The following EFR3A variants were observed in gnomAD, a reference collection of about 807,000 sequenced individuals.
The protein encoded by EFR3A is protein EFR3 homolog A.
A neutral mutation model predicts 104.4 loss-of-function variants in EFR3A; 76 were observed. That is an observed-to-expected ratio of 0.73 (90% CI 0.60 to 0.88). EFR3A has a LOEUF of 0.88. Among genes scored for constraint, EFR3A ranks in the 40% least tolerant of loss-of-function variants. EFR3A has a pLI of 0.00. For missense variants in EFR3A, 985 were observed against 1,012.5 expected, an observed-to-expected ratio of 0.97 and a Z score of 0.37; for synonymous variants, 330 against 330.0, an observed-to-expected ratio of 1.00 and a Z score of 0.00.
intron 18 of EFR3A, among the ~76,000 whole-genome samples, chr8:131,992,825 G>T (rs1386672108): frequency 6.6e-6 from 1 of 152,112 alleles, no homozygotes; most frequent in African/African-American, 2.4e-5. Context: ...CTGTTGGTAA[G>T]ATCTGATGAG....
intron 1 of EFR3A, among the ~76,000 whole-genome samples, chr8:131,910,797 T>G (rs896514129): frequency 1.3e-5 from 2 of 152,320 alleles, no homozygotes; most frequent in Non-Finnish European, 2.9e-5. Flanking sequence ...TATGCAGTGT[T>G]TCTGTTGTGG....
chr8:131,932,590 A>G (rs1817662726), intron 1 of EFR3A, among the ~76,000 whole-genome samples: 3 of 152,104 alleles, frequency 2.0e-5, no homozygotes. Context: ...ACTCCTATAC[A>G]TGTTAGCTAG....
chr8:131,935,490 G>C (rs1174150060), intron 1 of EFR3A: 1 of 447,890 alleles, frequency 2.2e-6, no homozygotes, highest in Non-Finnish European at 4.5e-6. Context: ...GTAATCGTAG[G>C]CACTGTCATT....
At chr8:131,940,007 A>G (rs1818084558) in intron 1 of EFR3A, 5 of 157,488 alleles carry the variant, frequency 3.2e-5, no homozygotes. Context: ...AGAGAGGCGT[A>G]GATGAAGAAT....
Position 131,926,675 on chromosome 8 carries a change from A to G in EFR3A, c.11-13824A>G, listed in dbSNP as rs188521674. Among the ~76,000 whole-genome samples, 68 of 152,138 alleles carry G rather than the reference A, an allele frequency of 4.5e-4. 1 individual carries two copies. The highest frequency in any genetic ancestry group is 3.9e-3 in the Admixed American group (59 of 15,274). On this transcript the variant is annotated intron_variant, in intron 1 of 22. Coordinates refer to ENST00000254624, the MANE Select transcript of EFR3A (RefSeq NM_015137.6). ...TGCTCTGTTGCTCAGGCTGGAGTGC[A>G]GTGGCATGATTGTAGCTCACTGCAA...
chr8:132,013,150 A>G lies in EFR3A; in HGVS notation c.*2255A>G, dbSNP rs1229066617. ...ATTTGGTGAAGTTCACTGTATTGCT[A>G]TATTTTTGTAGATAAATAAAACTCA... On this transcript the variant is annotated 3_prime_UTR_variant, in exon 23 of 23. Coordinates refer to ENST00000254624, the MANE Select transcript of EFR3A (RefSeq NM_015137.6). 1 of 152,168 alleles carries G rather than the reference A, an allele frequency of 6.6e-6. No individual in the cohort carries two copies. The highest frequency in any genetic ancestry group is 2.4e-5 in the African/African-American group (1 of 41,432). The allele number at this position is 152,168 out of a possible 1,614,324, so 9.4% of individuals were successfully genotyped here. A position where few individuals can be genotyped will look rare whatever the true frequency, so the allele number is the denominator to read the frequency against.
At chr8:131,947,851 A>T (rs1479755453) in intron 4 of EFR3A, among the ~76,000 whole-genome samples, 1 of 152,126 alleles carries the variant, frequency 6.6e-6, no homozygotes, top group Admixed American at 6.6e-5. Context: ...TAAATTTACC[A>T]TAAAAGTTAA....
At chr8:131,923,682 A>G (rs1332778206) in intron 1 of EFR3A, among the ~76,000 whole-genome samples, 1 of 152,092 alleles carries the variant, frequency 6.6e-6, no homozygotes, top group African/African-American at 2.4e-5. Flanking sequence ...TGGCAAGTTA[A>G]TTCAGAAGGA....
intron 22 of EFR3A, among the ~76,000 whole-genome samples, chr8:132,006,141 G>C (rs1822039038): frequency 6.6e-6 from 1 of 152,150 alleles, no homozygotes; most frequent in Non-Finnish European, 1.5e-5. Flanking sequence ...GCAAAGAAGA[G>C]AGATCTGAAA....
intron 8 of EFR3A, among the ~76,000 whole-genome samples, chr8:131,967,207 G>A (rs925034551): frequency 6.6e-6 from 1 of 152,122 alleles, no homozygotes; most frequent in Non-Finnish European, 1.5e-5. Flanking sequence ...ACAAAGTAAA[G>A]ATGAAAACAC....
intron 1 of EFR3A, among the ~76,000 whole-genome samples, chr8:131,908,275 T>G (rs1353334813): frequency 6.6e-6 from 1 of 152,104 alleles, no homozygotes; most frequent in East Asian, 1.9e-4. Flanking sequence ...TTAGCCAGGA[T>G]GGTCTCAATC....
chr8:131,940,662 T>C, intron 2 of EFR3A, 87 bp downstream of exon 2: 13 of 1,497,068 alleles, frequency 8.7e-6, no homozygotes, highest in Non-Finnish European at 1.2e-5. Flanking sequence ...TAATTTCATT[T>C]CTCTACTTTT....
intron 7 of EFR3A, among the ~76,000 whole-genome samples, chr8:131,957,147 A>G (rs1468520217): frequency 1.3e-5 from 2 of 152,144 alleles, no homozygotes; most frequent in Non-Finnish European, 2.9e-5. Context: ...CACATTAACC[A>G]TTTAGTTAAT....
chr8:131,935,955 A>G (rs1346783054), intron 1 of EFR3A, among the ~76,000 whole-genome samples: 1 of 152,018 alleles, frequency 6.6e-6, no homozygotes, highest in Non-Finnish European at 1.5e-5. Flanking sequence ...TCAGTGGTCA[A>G]CCAACCACTT....
intron 18 of EFR3A, among the ~76,000 whole-genome samples, chr8:131,992,749 G>A (rs1186034703): frequency 6.6e-6 from 1 of 152,146 alleles, no homozygotes; most frequent in Non-Finnish European, 1.5e-5. Context: ...CCCACAGCGT[G>A]CACAGAGGTT....
chr8:132,007,448 A>G (rs1237711173), intron 22 of EFR3A, among the ~76,000 whole-genome samples: 1 of 151,978 alleles, frequency 6.6e-6, no homozygotes, highest in Non-Finnish European at 1.5e-5. Flanking sequence ...TTATGAATAT[A>G]AAACATGAAT....
Position 131,934,501 on chromosome 8 carries a change from T to C in EFR3A, c.11-5998T>C, listed in dbSNP as rs147788524. On this transcript the variant is annotated intron_variant, in intron 1 of 22. Coordinates refer to ENST00000254624, the MANE Select transcript of EFR3A (RefSeq NM_015137.6). ...CCTTTGTCCTAAAATGTCCAAGGTT[T>C]GTTTTAAAACTTAATTTTTAAACTT... Among the ~76,000 whole-genome samples, 565 of 152,320 alleles carry C rather than the reference T, an allele frequency of 3.7e-3. 4 individuals are homozygous for C. Among genetic ancestry groups the C allele is most frequent in the African/African-American group, 0.013 (539 of 41,574 alleles).
chr8:131,978,765 A>T (rs771792372), intron 12 of EFR3A, 82 bp from the exon 13 acceptor site: 41 of 1,083,892 alleles, frequency 3.8e-5, no homozygotes, highest in Non-Finnish European at 4.7e-5. Flanking sequence ...TCCTAAGTTT[A>T]TGGTTCTTAT....
intron 1 of EFR3A, among the ~76,000 whole-genome samples, chr8:131,931,065 G>A (rs972821455): frequency 6.6e-6 from 1 of 152,092 alleles, no homozygotes; most frequent in Non-Finnish European, 1.5e-5. Context: ...TGTGCATGAG[G>A]GCCATGGTGG....
Sources: allele counts gnomAD v4.1 joint callset (sites outside exome capture counted in the v4.1 genomes callset), GRCh38; gene constraint gnomAD v4.1.1; transcripts MANE v1.5; gene names NCBI Gene and HGNC (gene_info 2026-07-23, HGNC 2026-07-21).